Variants in COL4A5 observed in about 807,000 individuals in gnomAD.
COL4A5 encodes collagen type IV alpha 5 chain.
COL4A5 carries 26 observed loss-of-function variants against 130.2 expected under a neutral mutation model. The ratio of observed to expected loss-of-function variants is 0.20; its 90% CI spans 0.15 to 0.28. COL4A5 has a LOEUF of 0.28. COL4A5 is among the 10% of genes least tolerant of loss of function. The pLI, the probability that COL4A5 is intolerant of heterozygous loss-of-function variation, is 1.00. For missense variants in COL4A5, 1,131 were observed against 1,344.3 expected (o/e 0.84, Z 2.48); for synonymous variants, 496 against 439.6 (o/e 1.13, Z -1.60).
At chrX:108,516,528 C>T (rs978223774) in intron 1 of COL4A5, among the ~76,000 whole-genome samples, 3 of 111,612 alleles carry the variant, frequency 2.7e-5, no homozygotes, top group East Asian at 2.8e-4. Flanking sequence ...ACACAGGATA[C>T]GTCTGTACAT....
At chrX:108,631,541 C>G (rs2067260297) in intron 36 of COL4A5, among the ~76,000 whole-genome samples, 2 of 111,049 alleles carry the variant, frequency 1.8e-5, no homozygotes, top group Admixed American at 9.7e-5. Flanking sequence ...CCTCTCAGCA[C>G]CACATTGCAC....
At chrX:108,661,045 A>G (rs2067948292) in intron 37 of COL4A5, among the ~76,000 whole-genome samples, 1 of 112,069 alleles carries the variant, frequency 8.9e-6, no homozygotes, top group Admixed American at 9.5e-5. Context: ...GTTACATGCT[A>G]TGTAGGTTTG....
At chrX:108,562,063 A>T (rs1057047892) in intron 3 of COL4A5, among the ~76,000 whole-genome samples, 1 of 112,122 alleles carries the variant, frequency 8.9e-6, no homozygotes, top group African/African-American at 3.2e-5. Flanking sequence ...AGTATCAGAG[A>T]TATCTGAAAG....
In COL4A5 at chrX:108,603,043, C is replaced by T. The variant is rs1456905740; in HGVS notation, c.2226C>T (p.Pro742=). Residue 742 remains proline (P), a synonymous_variant, in exon 28 of 53, where the codon CCC becomes CCT. Coordinates refer to ENST00000328300, the MANE Select transcript of COL4A5 (RefSeq NM_033380.3). ...GTCTAGAAGGCCCTCCTGGGCCACCCGGCTTTCCAGGACCAAAGGTCTGGG... is the reference window on the plus strand; with the variant it reads ...GTCTAGAAGGCCCTCCTGGGCCACCTGGCTTTCCAGGACCAAAGGTCTGGG... ...RIGLEGPPGP[P]GFPGPKGEPG... 18 of 1,176,474 alleles carry T rather than the reference C, an allele frequency of 1.5e-5. No homozygotes were observed. The highest frequency in any genetic ancestry group is 4.9e-4 in the Middle Eastern group (2 of 4,120).
chrX:108,656,538 A>G (rs1197397036), intron 37 of COL4A5, among the ~76,000 whole-genome samples: 1 of 111,964 alleles, frequency 8.9e-6, no homozygotes, highest in Non-Finnish European at 1.9e-5. Context: ...AGAAATACTG[A>G]ATCACAGGGT....
At chrX:108,504,225 C>G (rs2065105088) in intron 1 of COL4A5, among the ~76,000 whole-genome samples, 1 of 111,501 alleles carries the variant, frequency 9.0e-6, no homozygotes. Context: ...TCACCATATA[C>G]AAAAATTAAC....
intron 44 of COL4A5, among the ~76,000 whole-genome samples, chrX:108,680,039 A>C (rs2068394468): frequency 8.9e-6 from 1 of 112,006 alleles, no homozygotes; most frequent in Non-Finnish European, 1.9e-5. Context: ...AAGTAGGGAA[A>C]GTTCTCACCC....
At chrX:108,526,848 G>A (rs1396984373) in intron 1 of COL4A5, among the ~76,000 whole-genome samples, 1 of 103,895 alleles carries the variant, frequency 9.6e-6, no homozygotes, top group Non-Finnish European at 2.0e-5. Flanking sequence ...GCTCACTGCA[G>A]CCTTAATCTC....
intron 1 of COL4A5, among the ~76,000 whole-genome samples, chrX:108,538,120 G>A (rs188632390): frequency 9.0e-6 from 1 of 111,544 alleles, no homozygotes; most frequent in Non-Finnish European, 1.9e-5. Context: ...CACATAACAG[G>A]TGATCAATAA....
chrX:108,584,073 T>TAAA (rs56676245), intron 17 of COL4A5, among the ~76,000 whole-genome samples: 32 of 57,500 alleles, frequency 5.6e-4, no homozygotes, highest in African/African-American at 1.6e-3. Context: ...TGGCTAAATG[T>TAAA]AAAAAAAAAA....
Position 108,686,061 on chromosome X carries a change from G to A in COL4A5, c.4247G>A (p.Arg1416His), listed in dbSNP as rs753765957. ...GPTGPPGDPG[R>H]NGLPGFDGAG... Reference sequence around the variant, plus strand: ...ACTGGCCCTCCAGGAGATCCTGGACGCAATGGACTCCCTGGCTTTGATGGT... The same window carrying A: ...ACTGGCCCTCCAGGAGATCCTGGACACAATGGACTCCCTGGCTTTGATGGT... Residue 1416 changes from arginine (R) to histidine (H), a missense_variant, in exon 48 of 53, where the codon CGC becomes CAC. Coordinates refer to ENST00000328300, the MANE Select transcript of COL4A5 (RefSeq NM_033380.3). The A allele has an allele frequency of 2.6e-5, 31 of 1,209,070 alleles. No individual in the cohort carries two copies. In the South Asian group the frequency reaches 4.1e-4, roughly 16 times the overall value.
intron 36 of COL4A5, among the ~76,000 whole-genome samples, chrX:108,640,627 C>T (rs944307100): frequency 9.0e-6 from 1 of 110,722 alleles, no homozygotes; most frequent in African/African-American, 3.3e-5. Context: ...ATAAGGTTTC[C>T]GTTTGGGTTG....
At chrX:108,670,695 C>T (rs759823717) in intron 42 of COL4A5, 8 of 328,277 alleles carry the variant, frequency 2.4e-5, no homozygotes, top group South Asian at 1.8e-4. Flanking sequence ...TCAAACTATC[C>T]CACCTTCACA....
chrX:108,567,686 GA>G (rs1022761752), intron 4 of COL4A5, among the ~76,000 whole-genome samples: 3 of 111,569 alleles, frequency 2.7e-5, no homozygotes, highest in Non-Finnish European at 3.8e-5. Context: ...GAAGATGAAG[GA>G]AGAGCAAAGG....
intron 21 of COL4A5, among the ~76,000 whole-genome samples, chrX:108,592,562 A>T (rs1044048712): frequency 8.1e-5 from 9 of 110,430 alleles, no homozygotes; most frequent in African/African-American, 3.0e-4. Flanking sequence ...TCCAATCAAG[A>T]TTTCATCCCC....
chrX:108,476,808 C>T (rs1172683272), intron 1 of COL4A5, among the ~76,000 whole-genome samples: 1 of 111,807 alleles, frequency 8.9e-6, no homozygotes, highest in African/African-American at 3.3e-5. Flanking sequence ...ATATATACCA[C>T]ATTTTCTTTA....
chrX:108,633,306 A>G (rs1240269447), intron 36 of COL4A5, among the ~76,000 whole-genome samples: 2 of 111,499 alleles, frequency 1.8e-5, no homozygotes, highest in African/African-American at 6.5e-5. Flanking sequence ...CTGAGATTAT[A>G]AAAATAGATT....
At chrX:108,594,928 A>C (rs996326907) in intron 21 of COL4A5, among the ~76,000 whole-genome samples, 37 of 110,536 alleles carry the variant, frequency 3.3e-4, no homozygotes, top group African/African-American at 1.2e-3. Context: ...GTGCAATCAC[A>C]GCTCACTGCA....
At chrX:108,523,902 A>G (rs191713161) in intron 1 of COL4A5, among the ~76,000 whole-genome samples, 6 of 111,472 alleles carry the variant, frequency 5.4e-5, no homozygotes, top group African/African-American at 2.0e-4. Flanking sequence ...ATAGGAATAC[A>G]ATTGATTTTT....
Sources: allele counts gnomAD v4.1 joint callset (sites outside exome capture counted in the v4.1 genomes callset), GRCh38; gene constraint gnomAD v4.1.1; transcripts MANE v1.5; gene names NCBI Gene and HGNC (gene_info 2026-07-23, HGNC 2026-07-21).